The following MATN2 variants were observed in gnomAD, a reference collection of about 807,000 sequenced individuals.
MATN2 encodes matrilin 2, also known as matrilin-2.
MATN2 carries 69 observed loss-of-function variants against 103.2 expected under a neutral mutation model. The observed-to-expected ratio is 0.67, with a 90% CI of 0.55 to 0.82. The LOEUF (loss-of-function observed/expected upper bound fraction) is 0.82, where lower values mean the gene tolerates loss of function less well. MATN2 is among the 40% of genes least tolerant of loss of function. The probability of loss-of-function intolerance (pLI) is 0.00; values close to 1 mark genes in which losing one functional copy is unlikely to be tolerated. For missense variants in MATN2, 1,023 were observed against 1,211.5 expected (o/e 0.84, Z 2.31); for synonymous variants, 429 against 450.2 (o/e 0.95, Z 0.60).
At chr8:98,032,859 G>A (rs1190161188) in intron 16 of MATN2, among the ~76,000 whole-genome samples, 183 bp from the exon 17 acceptor site, 1 of 151,354 alleles carries the variant, frequency 6.6e-6, no homozygotes, top group Non-Finnish European at 1.5e-5. Context: ...TGTTGTTGTT[G>A]TTTTTTGTTT....
intron 1 of MATN2, among the ~76,000 whole-genome samples, chr8:97,884,465 A>C (rs2129965718): frequency 6.6e-6 from 1 of 152,254 alleles, no homozygotes; most frequent in Non-Finnish European, 1.5e-5. Flanking sequence ...GATTGGTTTG[A>C]TTACAGAATA....
At chr8:97,961,066 C>T (rs566772123) in intron 4 of MATN2, among the ~76,000 whole-genome samples, 34 of 152,246 alleles carry the variant, frequency 2.2e-4, no homozygotes, top group African/African-American at 7.0e-4. Flanking sequence ...CCGCCCACCT[C>T]GGCCTCCCAT....
At position 98,007,053 on chromosome 8, in the gene MATN2, T is replaced by C; in HGVS notation, c.1328-52T>C. On this transcript the variant is annotated intron_variant, in intron 8 of 18. Transcript: ENST00000254898. This position sits in a 1 kb window ranked among gnomAD's most constrained non-coding sequence, Gnocchi z 4.2. The stretch of plus-strand genomic sequence containing the variant: ...TTTGTTTTTGAATCTTGGTTGCTGG[T>C]GGGGTATTGCCCCCTCGGCTCCTCT... The C allele has an allele frequency of 6.5e-7, 1 of 1,544,490 alleles. No homozygotes were observed. The highest frequency in any genetic ancestry group is 8.8e-7 in the Non-Finnish European group (1 of 1,138,918).
intron 5 of MATN2, among the ~76,000 whole-genome samples, chr8:97,965,600 A>G (rs1775495861): frequency 6.6e-6 from 1 of 152,162 alleles, no homozygotes. Context: ...TTGGGAGGCC[A>G]AAGTAGGAGG....
intron 2 of MATN2, among the ~76,000 whole-genome samples, chr8:97,895,709 A>G (rs1305568761): frequency 6.6e-6 from 1 of 152,246 alleles, no homozygotes; most frequent in Non-Finnish European, 1.5e-5. Flanking sequence ...TATGAAAGGC[A>G]ACTCTCATTT....
At chr8:97,904,830 T>TGGA (rs199696415) in intron 2 of MATN2, among the ~76,000 whole-genome samples, 2 of 151,992 alleles carry the variant, frequency 1.3e-5, no homozygotes, top group Non-Finnish European at 2.9e-5. Context: ...GGGATCCATG[T>TGGA]CCCTCAAAGT....
intron 13 of MATN2, among the ~76,000 whole-genome samples, chr8:98,021,665 C>A (rs1314643979): frequency 7.1e-6 from 1 of 140,090 alleles, no homozygotes; most frequent in African/African-American, 2.7e-5. Context: ...AGAGATGGAT[C>A]AACAGTTTAA....
At chr8:97,903,171 A>G (rs1347044092) in intron 2 of MATN2, among the ~76,000 whole-genome samples, 1 of 152,216 alleles carries the variant, frequency 6.6e-6, no homozygotes, top group East Asian at 1.9e-4. Flanking sequence ...ACAGTAATCA[A>G]CACAGACTTG....
At chr8:97,873,352 CTTTTTTT>C (rs772184378) in intron 1 of MATN2, among the ~76,000 whole-genome samples, 1 of 142,152 alleles carries the variant, frequency 7.0e-6, no homozygotes, top group Non-Finnish European at 1.5e-5. Context: ...CTCTTTTTTT[CTTTTTTT>C]TTTTTTTCCC....
At position 97,931,559 on chromosome 8, in the gene MATN2, C is replaced by A; in HGVS notation, c.712+37C>A. Reference sequence around the variant, plus strand: ...TCCTTTGTCACTCTTCTAGAGGAACCACTAGAATTCATTCATTCATCTTCA... The same window carrying A: ...TCCTTTGTCACTCTTCTAGAGGAACAACTAGAATTCATTCATTCATCTTCA... On this transcript the variant is annotated intron_variant, in intron 3 of 18. Transcript: ENST00000254898. The surrounding 1 kb of genome is among the most constrained non-coding windows in gnomAD (Gnocchi z 4.1). 6.6e-7 allele frequency: 1 copy of A among 1,518,076 alleles called. No individual in the cohort carries two copies. The highest frequency in any genetic ancestry group is 1.8e-4 in the Middle Eastern group (1 of 5,662). 94.0% of individuals were successfully genotyped at this position (1,518,076 alleles called of 1,614,324 possible).
Position 97,999,904 on chromosome 8 carries a change from G to A in MATN2, c.1205-3757G>A, listed in dbSNP as rs957395453. Among the ~76,000 whole-genome samples the A allele has an allele frequency of 4.0e-5, 6 of 148,430 alleles. 1 individual carries two copies. The highest frequency in any genetic ancestry group is 1.0e-4 in the African/African-American group (4 of 40,108). ...TTAATTTTTTAATTTTTTTAAAGAC[G>A]GAATCTCACTCTGTCACCCAGGCTG... On this transcript the variant is annotated intron_variant, in intron 7 of 18. Coordinates refer to ENST00000254898, the MANE Select transcript of MATN2 (RefSeq NM_002380.5).
rs1814236452 is a variant in MATN2 at position 98,035,972 on chromosome 8, A to G, written c.*260A>G. 1 of 329,808 alleles carries G rather than the reference A, an allele frequency of 3.0e-6. No homozygotes were observed. Among genetic ancestry groups the G allele is most frequent in the Admixed American group, 4.8e-5 (1 of 20,714 alleles). 20.4% of individuals were successfully genotyped at this position (329,808 alleles called of 1,614,324 possible). A position where few individuals can be genotyped will look rare whatever the true frequency, so the allele number is the denominator to read the frequency against. ...AATAAGCTATGCAAGGTATTTTGTAATATACTGTGGACACAACTTGCTTCT... is the reference window on the plus strand; with the variant it reads ...AATAAGCTATGCAAGGTATTTTGTAGTATACTGTGGACACAACTTGCTTCT... On this transcript the variant is annotated 3_prime_UTR_variant, in exon 19 of 19. Coordinates refer to ENST00000254898, the MANE Select transcript of MATN2 (RefSeq NM_002380.5).
At chr8:98,032,912 TG>T (rs2130460249) in intron 16 of MATN2, 129 bp from the exon 17 acceptor site, 1 of 687,176 alleles carries the variant, frequency 1.5e-6, no homozygotes, top group African/African-American at 1.9e-5. Flanking sequence ...ACAGTCTTTT[TG>T]CTTCAGTATG....
intron 5 of MATN2, among the ~76,000 whole-genome samples, chr8:97,976,274 A>AT (rs1243612793): frequency 6.6e-6 from 1 of 151,752 alleles, no homozygotes; most frequent in African/African-American, 2.4e-5. Flanking sequence ...ATGCCCAGCT[A>AT]TTTTTTGTAT....
chr8:97,888,628 G>C (rs1303042341), intron 2 of MATN2, among the ~76,000 whole-genome samples: 1 of 152,190 alleles, frequency 6.6e-6, no homozygotes, highest in South Asian at 2.1e-4. Context: ...GGAAGTAAGA[G>C]CTGGGCCAGA....
chr8:98,011,379 G>T (rs1205620163), intron 10 of MATN2, among the ~76,000 whole-genome samples: 1 of 152,174 alleles, frequency 6.6e-6, no homozygotes, highest in African/African-American at 2.4e-5. Context: ...CACATTACAG[G>T]CTTGATGCAA....
At chr8:97,992,876 C>T (rs927541850) in intron 6 of MATN2, among the ~76,000 whole-genome samples, 5 of 150,708 alleles carry the variant, frequency 3.3e-5, no homozygotes, top group African/African-American at 9.8e-5. Flanking sequence ...GCCTAGATTG[C>T]GACATTGCGC....
chr8:97,988,163 A>T (rs1417479921), intron 6 of MATN2, among the ~76,000 whole-genome samples: 2 of 56,582 alleles, frequency 3.5e-5, no homozygotes, highest in East Asian at 2.5e-4. Context: ...AAAAAAAAAA[A>T]AAAAAAAAAT....
rs190125665 is a variant in MATN2 at position 97,913,664 on chromosome 8, G to A, written c.143-17289G>A. 4.7e-5 allele frequency among the ~76,000 whole-genome samples: 7 copies of A among 148,666 alleles called. No individual in the cohort carries two copies. The East Asian group carries it at 1.4e-3, about 29-fold the overall frequency. On this transcript the variant is annotated intron_variant, in intron 2 of 18. Transcript: ENST00000254898. ...GAGTCTCACTGTGTCGCCCAGGCTG[G>A]ATTGCAGTGGTACAATCTCGGCTCA...
Sources: gnomAD v4.1 joint callset for allele counts (sites outside exome capture counted in the v4.1 genomes callset) on GRCh38, gnomAD v4.1.1 for gene constraint, Gnocchi (gnomAD v3.1) non-coding constraint, MANE v1.5 for transcripts, NCBI Gene and HGNC (gene_info 2026-07-23, HGNC 2026-07-21) for gene names.